The following KSR2 variants were observed in gnomAD, a reference collection of about 807,000 sequenced individuals.
The protein encoded by KSR2 is kinase suppressor of ras 2.
In KSR2, 25 loss-of-function variants were observed where a neutral mutation model predicts 107.8. That is an observed-to-expected ratio of 0.23 (90% CI 0.17 to 0.32). KSR2 has a LOEUF of 0.32. Ranked by LOEUF, KSR2 falls within the 10% of genes least tolerant of loss-of-function variation. The pLI is 1.00. For synonymous variants in KSR2, 480 were observed against 507.0 expected (o/e 0.95, Z 0.71); for missense variants, 887 against 1,268.9 (o/e 0.70, Z 4.57).
intron 1 of KSR2, among the ~76,000 whole-genome samples, chr12:117,920,888 C>T (rs1895322002): frequency 6.6e-6 from 1 of 152,126 alleles, no homozygotes; most frequent in Non-Finnish European, 1.5e-5. Context: ...ACGGCTAACT[C>T]CTGGGTGGCA....
rs1290418382 is a variant in KSR2, at chr12:117,806,718, GT to G, written c.473-45195del. 8.5e-5 allele frequency among the ~76,000 whole-genome samples: 13 copies of G among 152,240 alleles called. No homozygotes were observed. The East Asian group carries it at 2.5e-3, about 29-fold the overall frequency. On this transcript the variant is annotated intron_variant, in intron 3 of 19. Coordinates refer to ENST00000339824, the MANE Select transcript of KSR2 (RefSeq NM_173598.6). ...ACACCCATCTGCTCTGGCTCTATGG[GT>G]TTACCCATTCTGGACATTTCATAGA... is the stretch of plus-strand genomic sequence containing the variant.
chr12:117,863,635 T>A (rs1404229957), intron 1 of KSR2, among the ~76,000 whole-genome samples: 1 of 152,148 alleles, frequency 6.6e-6, no homozygotes, highest in African/African-American at 2.4e-5. Context: ...GTGGCTGCTG[T>A]CATGAATAAC....
intron 7 of KSR2, among the ~76,000 whole-genome samples, chr12:117,571,255 C>T (rs1878877487): frequency 6.6e-6 from 1 of 151,850 alleles, no homozygotes; most frequent in African/African-American, 2.4e-5. Flanking sequence ...GAGACTCTGT[C>T]TCAAAAAAGA....
At chr12:117,567,700 C>T (rs934563254) in intron 7 of KSR2, among the ~76,000 whole-genome samples, 2 of 152,010 alleles carry the variant, frequency 1.3e-5, no homozygotes, top group African/African-American at 2.4e-5. Context: ...AATCCTTGCC[C>T]CCTTTGCAGC....
intron 7 of KSR2, among the ~76,000 whole-genome samples, chr12:117,578,904 A>G (rs1879462288): frequency 6.6e-6 from 1 of 152,232 alleles, no homozygotes; most frequent in East Asian, 1.9e-4. Flanking sequence ...AGGCATTTCC[A>G]GGATCTTCCA....
intron 2 of KSR2, among the ~76,000 whole-genome samples, chr12:117,858,425 G>A (rs545770445): frequency 2.3e-4 from 35 of 152,248 alleles, no homozygotes; most frequent in Non-Finnish European, 4.7e-4. Context: ...GAGATTGCGC[G>A]TGGTCTGATG....
chr12:117,877,585 T>C (rs1006360828), intron 1 of KSR2, among the ~76,000 whole-genome samples: 1 of 152,178 alleles, frequency 6.6e-6, no homozygotes, highest in South Asian at 2.1e-4. Flanking sequence ...ATGAATATTA[T>C]CTAATTGTCA....
intron 16 of KSR2, among the ~76,000 whole-genome samples, chr12:117,480,632 G>T (rs556204052): frequency 1.3e-5 from 2 of 152,196 alleles, no homozygotes; most frequent in South Asian, 4.2e-4. Context: ...GGCACCAAGG[G>T]CTATCCATAC....
chr12:117,894,494 A>T (rs1318822031), intron 1 of KSR2, among the ~76,000 whole-genome samples: 4 of 151,698 alleles, frequency 2.6e-5, no homozygotes, highest in African/African-American at 7.3e-5. Flanking sequence ...GAGAGATCTC[A>T]TCCCTAAAAA....
At chr12:117,545,798 T>C (rs559092756) in intron 9 of KSR2, among the ~76,000 whole-genome samples, 1 of 152,340 alleles carries the variant, frequency 6.6e-6, no homozygotes, top group South Asian at 2.1e-4. Flanking sequence ...TGTATCTCTT[T>C]GTATAGCTTT....
intron 4 of KSR2, among the ~76,000 whole-genome samples, chr12:117,685,740 G>T (rs1885543605): frequency 6.6e-6 from 1 of 152,236 alleles, no homozygotes; most frequent in African/African-American, 2.4e-5. Flanking sequence ...CCACAGGGCA[G>T]GGAGTGGTTT....
intron 5 of KSR2, among the ~76,000 whole-genome samples, chr12:117,632,786 G>A (rs757718692): frequency 6.6e-6 from 1 of 152,092 alleles, no homozygotes; most frequent in African/African-American, 2.4e-5. Flanking sequence ...GAAAACATGC[G>A]GTATTTGGTT....
intron 5 of KSR2, among the ~76,000 whole-genome samples, chr12:117,666,200 C>T (rs933228482): frequency 6.6e-6 from 1 of 152,174 alleles, no homozygotes; most frequent in Non-Finnish European, 1.5e-5. Context: ...ATTCCTACCA[C>T]GGATGCACCA....
At chr12:117,767,818 C>T (rs1247809107) in intron 3 of KSR2, among the ~76,000 whole-genome samples, 4 of 149,936 alleles carry the variant, frequency 2.7e-5, no homozygotes, top group African/African-American at 9.8e-5. Context: ...TCGAGCCAGG[C>T]TGGAGAAGAA....
chr12:117,670,761 G>A (rs1043947131), intron 4 of KSR2, among the ~76,000 whole-genome samples: 1 of 152,102 alleles, frequency 6.6e-6, no homozygotes, highest in Non-Finnish European at 1.5e-5. Flanking sequence ...TGCTGTAATA[G>A]ATGAAGGAGA....
intron 9 of KSR2, among the ~76,000 whole-genome samples, chr12:117,540,921 G>A (rs1051555843): frequency 2.0e-5 from 3 of 152,356 alleles, no homozygotes; most frequent in South Asian, 4.1e-4. Context: ...ATTAGTATCA[G>A]CAGGAACCGG....
intron 5 of KSR2, among the ~76,000 whole-genome samples, chr12:117,636,037 C>A (rs1303082231): frequency 6.6e-6 from 1 of 152,162 alleles, no homozygotes; most frequent in Non-Finnish European, 1.5e-5. Flanking sequence ...GGTAATTCAC[C>A]TGCCTTGGCC....
chr12:117,707,717 A>G (rs140448966), intron 4 of KSR2, among the ~76,000 whole-genome samples: 23 of 152,360 alleles, frequency 1.5e-4, no homozygotes, highest in African/African-American at 5.3e-4. Flanking sequence ...GACAAACAAG[A>G]GAAAATGAGG....
At chr12:117,511,108 G>T (rs930728891) in intron 14 of KSR2, among the ~76,000 whole-genome samples, 1 of 152,176 alleles carries the variant, frequency 6.6e-6, no homozygotes, top group African/African-American at 2.4e-5. Flanking sequence ...AGAAAAACTT[G>T]TGTAAGCAAA....
Sources: gnomAD v4.1 joint callset for allele counts (sites outside exome capture counted in the v4.1 genomes callset) on GRCh38, gnomAD v4.1.1 for gene constraint, MANE v1.5 for transcripts, NCBI Gene and HGNC (gene_info 2026-07-23, HGNC 2026-07-21) for gene names.